The following AGBL4 variants were observed in gnomAD, a reference collection of about 807,000 sequenced individuals.
AGBL4 encodes the protein cytosolic carboxypeptidase 6.
In AGBL4, 58 loss-of-function variants were observed where a neutral mutation model predicts 66.4. That is an observed-to-expected ratio of 0.87 (90% confidence interval 0.71 to 1.09). The LOEUF (loss-of-function observed/expected upper bound fraction) is 1.09, where lower values mean the gene tolerates loss of function less well. Ranked by LOEUF, AGBL4 falls within the 50% of genes least tolerant of loss-of-function variation. The pLI is 0.00. For missense variants in AGBL4, 579 were observed against 631.0 expected (o/e 0.92, Z 0.88); for synonymous variants, 234 against 222.9 (o/e 1.05, Z -0.44).
intron 2 of AGBL4, among the ~76,000 whole-genome samples, chr1:49,823,442 G>C (rs1011187395): frequency 1.3e-5 from 2 of 152,134 alleles, no homozygotes; most frequent in African/African-American, 4.8e-5. Flanking sequence ...ATACACGTTG[G>C]TTGTTCCTTG....
intron 4 of AGBL4, among the ~76,000 whole-genome samples, chr1:49,125,161 A>G (rs560074935): frequency 6.6e-6 from 1 of 152,294 alleles, no homozygotes; most frequent in Non-Finnish European, 1.5e-5. Flanking sequence ...AAAATTTCAG[A>G]AAAAAAGCAT....
At chr1:49,919,735 CTACTT>C (rs1651994936) in intron 1 of AGBL4, among the ~76,000 whole-genome samples, 1 of 152,034 alleles carries the variant, frequency 6.6e-6, no homozygotes, top group African/African-American at 2.4e-5. Flanking sequence ...TTGGAAAAAA[CTACTT>C]TAAAGTTCAT....
intron 2 of AGBL4, chr1:49,846,251 G>A (rs868231944): frequency 2.8e-5 from 41 of 1,467,352 alleles, no homozygotes; most frequent in Middle Eastern, 1.7e-4. Context: ...TGAGTGTCAC[G>A]ATTGTGGAAA....
chr1:48,715,485 C>T (rs1433738091), intron 6 of AGBL4, among the ~76,000 whole-genome samples: 1 of 152,182 alleles, frequency 6.6e-6, no homozygotes, highest in Non-Finnish European at 1.5e-5. Context: ...CCCACGAGCT[C>T]TTGGGAGGCA....
intron 9 of AGBL4, among the ~76,000 whole-genome samples, chr1:48,609,540 G>A (rs1299908399): frequency 4.6e-5 from 7 of 152,044 alleles, no homozygotes; most frequent in Admixed American, 4.6e-4. Context: ...TCCCACCTCA[G>A]CCTTATAAGT....
chr1:49,161,323 G>C (rs544784001), intron 4 of AGBL4, among the ~76,000 whole-genome samples: 1 of 152,240 alleles, frequency 6.6e-6, no homozygotes, highest in African/African-American at 2.4e-5. Context: ...CTGACCCCTT[G>C]CACTTCCTGG....
intron 4 of AGBL4, among the ~76,000 whole-genome samples, chr1:49,132,229 G>C (rs1645913261): frequency 6.6e-6 from 1 of 151,948 alleles, no homozygotes; most frequent in South Asian, 2.1e-4. Flanking sequence ...ACTATCTCTT[G>C]GGTTTGGTGA....
chr1:49,547,054 G>A (rs920817358), intron 3 of AGBL4, among the ~76,000 whole-genome samples: 2 of 152,132 alleles, frequency 1.3e-5, no homozygotes, highest in Non-Finnish European at 1.5e-5. Flanking sequence ...TTGCTTCTGG[G>A]TGCTTGGTCA....
chr1:49,231,955 A>G (rs1305220317), intron 4 of AGBL4, among the ~76,000 whole-genome samples: 1 of 152,186 alleles, frequency 6.6e-6, no homozygotes, highest in African/African-American at 2.4e-5. Context: ...TGAGCACATT[A>G]CTGTAGGAAA....
chr1:48,768,686 G>A (rs888687385), intron 6 of AGBL4, among the ~76,000 whole-genome samples: 2 of 152,182 alleles, frequency 1.3e-5, no homozygotes, highest in Non-Finnish European at 2.9e-5. Context: ...ATAATCCAAT[G>A]TCAGAGAGCC....
At chr1:49,767,364 C>A (rs915069416) in intron 2 of AGBL4, among the ~76,000 whole-genome samples, 1 of 151,170 alleles carries the variant, frequency 6.6e-6, no homozygotes, top group African/African-American at 2.4e-5. Context: ...GACCTTAGGG[C>A]GAACAATGAA....
intron 6 of AGBL4, among the ~76,000 whole-genome samples, chr1:48,858,840 C>T (rs1179700921): frequency 6.6e-6 from 1 of 151,896 alleles, no homozygotes; most frequent in East Asian, 1.9e-4. Context: ...AATTATATCT[C>T]AATAAAGCTG....
chr1:48,688,080 G>C (rs547913744), intron 6 of AGBL4, among the ~76,000 whole-genome samples: 1 of 152,084 alleles, frequency 6.6e-6, no homozygotes, highest in Non-Finnish European at 1.5e-5. Context: ...TAGAACAGTA[G>C]GTATTAAATA....
chr1:49,782,101 G>C (rs923361677), intron 2 of AGBL4, among the ~76,000 whole-genome samples: 1 of 151,544 alleles, frequency 6.6e-6, no homozygotes, highest in African/African-American at 2.4e-5. Flanking sequence ...GCAGAAGAAA[G>C]AAAATAATGA....
intron 2 of AGBL4, among the ~76,000 whole-genome samples, chr1:49,833,018 T>C (rs1250230975): frequency 6.6e-6 from 1 of 151,950 alleles, no homozygotes; most frequent in African/African-American, 2.4e-5. Context: ...TTTGTCAATT[T>C]TGGCTTTTGT....
chr1:48,867,192 A>G lies in AGBL4; in HGVS notation c.633T>C (p.Pro211=). The G allele has an allele frequency of 6.2e-7, 1 of 1,613,608 alleles. No homozygotes were observed. Among genetic ancestry groups the G allele is most frequent in the South Asian group, 1.1e-5 (1 of 90,968 alleles). Residue 211 remains proline, a splice_region_variant and synonymous_variant, in exon 6 of 14, where the codon CCT becomes CCC. Transcript: ENST00000371839. ...RKLDLLTITS[P]DNLREGAEQK... ...GGCAGAAGGGCCACGCCTACTCACC[A>G]GGGCTGGTTATCGTCAGGAGGTCAA...
chr1:48,821,577 C>A (rs1646314369), intron 6 of AGBL4, among the ~76,000 whole-genome samples: 1 of 152,048 alleles, frequency 6.6e-6, no homozygotes. Context: ...AAATAACAGA[C>A]ACTGGGGACT....
chr1:49,760,676 T>C (rs1401797209), intron 2 of AGBL4, among the ~76,000 whole-genome samples: 2 of 152,180 alleles, frequency 1.3e-5, no homozygotes, highest in Admixed American at 1.3e-4. Flanking sequence ...ACTGGGTATA[T>C]ACCCAAAGAA....
chr1:48,756,649 C>T (rs1318023756), intron 6 of AGBL4, among the ~76,000 whole-genome samples: 6 of 152,218 alleles, frequency 3.9e-5, no homozygotes, highest in Admixed American at 3.9e-4. Flanking sequence ...ATACAACCTC[C>T]TCTTAAGGGT....
Sources: gnomAD v4.1 joint callset for allele counts (sites outside exome capture counted in the v4.1 genomes callset) on GRCh38, gnomAD v4.1.1 for gene constraint, MANE v1.5 for transcripts, NCBI Gene and HGNC (gene_info 2026-07-23, HGNC 2026-07-21) for gene names.